AP5M1: variants seen among roughly 807,000 people sequenced by gnomAD.
AP5M1 encodes the protein AP-5 complex subunit mu-1.
AP5M1 carries 44 observed loss-of-function variants against 52.3 expected under a neutral mutation model. The ratio of observed to expected loss-of-function variants is 0.84; its 90% CI spans 0.66 to 1.08. The LOEUF is 1.08. AP5M1 is among the 50% of genes least tolerant of loss of function. The pLI is 0.00. For missense variants in AP5M1, 526 were observed against 568.4 expected (o/e 0.93, Z 0.76); for synonymous variants, 213 against 199.0 (o/e 1.07, Z -0.59).
In AP5M1 at chr14:57,296,035, G is replaced by T. The variant is rs1300398896; in HGVS notation, c.*7151G>T. 21 of 151,860 alleles carry T rather than the reference G, an allele frequency of 1.4e-4. No individual in the cohort carries two copies. The highest frequency in any genetic ancestry group is 1.4e-3 in the Admixed American group (21 of 15,216). The allele number at this position is 151,860 out of a possible 1,614,324, so 9.4% of individuals were successfully genotyped here. Reference sequence around the variant, plus strand: ...AGATGTACCAATTTGACCTTTAAAAGTTCAATCTTTATTATATGCATTGAT... The same window carrying T: ...AGATGTACCAATTTGACCTTTAAAATTTCAATCTTTATTATATGCATTGAT... On this transcript the variant is annotated 3_prime_UTR_variant, in exon 8 of 8. Coordinates refer to ENST00000261558, the MANE Select transcript of AP5M1 (RefSeq NM_018229.4).
In AP5M1 at chr14:57,291,619, A is replaced by G. The variant is rs531901607; in HGVS notation, c.*2735A>G. ...ATTCTGATGACAATTATTTGTTTAA[A>G]AAATTTTTTTTATTAAACATTAGTC... On this transcript the variant is annotated 3_prime_UTR_variant, in exon 8 of 8. Coordinates refer to ENST00000261558, the MANE Select transcript of AP5M1 (RefSeq NM_018229.4). The G allele has an allele frequency of 2.0e-5, 3 of 151,842 alleles. No individual in the cohort carries two copies. In the South Asian group the frequency reaches 6.2e-4, roughly 31 times the overall value. The allele number at this position is 151,842 out of a possible 1,614,324, so 9.4% of individuals were successfully genotyped here. A position where few individuals can be genotyped will look rare whatever the true frequency, so the allele number is the denominator to read the frequency against.
Position 57,294,462 on chromosome 14 carries a change from A to G in AP5M1, c.*5578A>G, listed in dbSNP as rs1012489502. ...GGTTATAAAGAGATAATTAGTGACT[A>G]TATCTATTTTAAAACCCTGTGATTT... On this transcript the variant is annotated 3_prime_UTR_variant, in exon 8 of 8. Coordinates refer to ENST00000261558, the MANE Select transcript of AP5M1 (RefSeq NM_018229.4). 1.3e-5 allele frequency: 2 copies of G among 151,880 alleles called. No individual in the cohort carries two copies. The highest frequency in any genetic ancestry group is 2.9e-5 in the Non-Finnish European group (2 of 67,840). The allele number at this position is 151,880 out of a possible 1,614,324, so 9.4% of individuals were successfully genotyped here. A position where few individuals can be genotyped will look rare whatever the true frequency, so the allele number is the denominator to read the frequency against.
Position 57,293,042 on chromosome 14 carries a change from C to G in AP5M1, c.*4158C>G, listed in dbSNP as rs1885473426. The G allele has an allele frequency of 6.6e-6, 1 of 151,146 alleles. No individual in the cohort carries two copies. Among genetic ancestry groups the G allele is most frequent in the African/African-American group, 2.4e-5 (1 of 41,280 alleles). 9.4% of individuals were successfully genotyped at this position (151,146 alleles called of 1,614,324 possible). A position where few individuals can be genotyped will look rare whatever the true frequency, so the allele number is the denominator to read the frequency against. On this transcript the variant is annotated 3_prime_UTR_variant, in exon 8 of 8. Transcript: ENST00000261558. ...TTCTGCCTGCCTTTTTCTCAGTTATCTGAGTACCTCTTCTTCCATAATTTT... is the reference window on the plus strand; with the variant it reads ...TTCTGCCTGCCTTTTTCTCAGTTATGTGAGTACCTCTTCTTCCATAATTTT...
intron 1 of AP5M1, among the ~76,000 whole-genome samples, chr14:57,270,542 G>C (rs904947771): frequency 6.6e-6 from 1 of 152,140 alleles, no homozygotes; most frequent in Admixed American, 6.5e-5. Flanking sequence ...GTTCCTGAGG[G>C]CATCAGAGTT....
chr14:57,284,467 T>C (rs1885260460), intron 6 of AP5M1, among the ~76,000 whole-genome samples: 1 of 152,070 alleles, frequency 6.6e-6, no homozygotes, highest in Non-Finnish European at 1.5e-5. Flanking sequence ...GTAAAAAAAT[T>C]AGAGACAAGC....
In AP5M1 at chr14:57,291,973, G is replaced by C. The variant is rs1175537063; in HGVS notation, c.*3089G>C. On this transcript the variant is annotated 3_prime_UTR_variant, in exon 8 of 8. Coordinates refer to ENST00000261558, the MANE Select transcript of AP5M1 (RefSeq NM_018229.4). ...TAATAAACAGTCCTCAGGTTTAAGGGACTTTTTTAGGATTACATCTTAAAT... is the reference window on the plus strand; with the variant it reads ...TAATAAACAGTCCTCAGGTTTAAGGCACTTTTTTAGGATTACATCTTAAAT... The C allele has an allele frequency of 6.6e-6, 1 of 151,758 alleles. No individual in the cohort carries two copies. Among genetic ancestry groups the C allele is most frequent in the Non-Finnish European group, 1.5e-5 (1 of 67,826 alleles). 9.4% of individuals were successfully genotyped at this position (151,758 alleles called of 1,614,324 possible). A position where few individuals can be genotyped will look rare whatever the true frequency, so the allele number is the denominator to read the frequency against.
At chr14:57,272,951 G>C (rs1401405278) in intron 1 of AP5M1, among the ~76,000 whole-genome samples, 2 of 151,946 alleles carry the variant, frequency 1.3e-5, no homozygotes, top group Non-Finnish European at 1.5e-5. Flanking sequence ...TTTTGAGATG[G>C]AGTCTCACTC....
rs1458698406 is a variant in AP5M1 at position 57,289,471 on chromosome 14, T to C, written c.*587T>C. The stretch of plus-strand genomic sequence containing the variant: ...GTGTTTAAATAGTAAGCTGTTCTTC[T>C]TAATCAGAACTATCCTATTGACTAA... On this transcript the variant is annotated 3_prime_UTR_variant, in exon 8 of 8. Transcript: ENST00000261558. The C allele has an allele frequency of 1.3e-5, 2 of 152,014 alleles. No individual in the cohort carries two copies. Among genetic ancestry groups the C allele is most frequent in the East Asian group, 3.9e-4 (2 of 5,184 alleles). The allele number at this position is 152,014 out of a possible 1,614,324, so 9.4% of individuals were successfully genotyped here.
chr14:57,276,639 T>A (rs1885046679), intron 2 of AP5M1, among the ~76,000 whole-genome samples: 1 of 144,904 alleles, frequency 6.9e-6, no homozygotes. Context: ...TCTGTAGCAA[T>A]AAACAGGGAA....
At chr14:57,286,009 A>C (rs1885298421) in intron 6 of AP5M1, among the ~76,000 whole-genome samples, 2 of 152,108 alleles carry the variant, frequency 1.3e-5, no homozygotes, top group Non-Finnish European at 2.9e-5. Flanking sequence ...ACAGCCTTAC[A>C]AAAAAATGGC....
In AP5M1 at chr14:57,274,695, A is replaced by T; in HGVS notation, c.526A>T (p.Asn176Tyr). Residue 176 changes from asparagine to tyrosine, a missense_variant, in exon 2 of 8, where the codon AAC becomes TAC. Asn to Tyr is a moderately radical substitution (Grantham distance 143). Transcript: ENST00000261558. ...ACPFGTLLDA[N>Y]LQNSLDNTNF... ...TCCATTTGGTACTTTATTAGATGCCAACTTACAGAATTCATTAGATAATAC... is the reference window on the plus strand; with the variant it reads ...TCCATTTGGTACTTTATTAGATGCCTACTTACAGAATTCATTAGATAATAC... The T allele has an allele frequency of 6.2e-7, 1 of 1,614,206 alleles. No individual in the cohort carries two copies. The highest frequency in any genetic ancestry group is 8.5e-7 in the Non-Finnish European group (1 of 1,180,038).
In AP5M1 at chr14:57,278,907, A is replaced by T. The variant is rs150045111; in HGVS notation, c.721-1288A>T. On this transcript the variant is annotated intron_variant, in intron 2 of 7. Transcript: ENST00000261558. ...AGACCCTTCCCAGAAGAAGACATACATGCAGCCAAAAAACATGATAAAAAG... is the reference window on the plus strand; with the variant it reads ...AGACCCTTCCCAGAAGAAGACATACTTGCAGCCAAAAAACATGATAAAAAG... Among the ~76,000 whole-genome samples the T allele has an allele frequency of 1.3e-4, 20 of 152,364 alleles. No homozygotes were observed. The East Asian group carries it at 3.3e-3, about 25-fold the overall frequency.
At chr14:57,272,721 A>T (rs762022106) in intron 1 of AP5M1, among the ~76,000 whole-genome samples, 2 of 152,148 alleles carry the variant, frequency 1.3e-5, no homozygotes, top group African/African-American at 4.8e-5. Flanking sequence ...TAGTCCAGAG[A>T]TCTCTACTAT....
At chr14:57,271,344 A>G (rs1884891490) in intron 1 of AP5M1, 2 of 152,216 alleles carry the variant, frequency 1.3e-5, no homozygotes, top group African/African-American at 2.4e-5. Context: ...TCAGCCACCT[A>G]CGCACTCACT....
At chr14:57,269,433 G>T (rs760085817) in intron 1 of AP5M1, 45 bp downstream of exon 1, 1 of 1,595,918 alleles carries the variant, frequency 6.3e-7, no homozygotes, top group Admixed American at 1.7e-5. Flanking sequence ...TCAGAAGATC[G>T]ATGAAGTAGC....
chr14:57,288,840 T>A lies in AP5M1; in HGVS notation c.1429T>A (p.Ser477Thr), dbSNP rs1281558541. The A allele has an allele frequency of 1.3e-6, 2 of 1,589,820 alleles. No homozygotes were observed. The highest frequency in any genetic ancestry group is 8.6e-7 in the Non-Finnish European group (1 of 1,160,478). Residue 477 changes from serine to threonine, a missense_variant, in exon 8 of 8, where the codon TCT becomes ACT. This residue lies in a region of AP5M1 where 97 missense variants were observed against 121.3 expected (regional missense o/e 0.80). Coordinates refer to ENST00000261558, the MANE Select transcript of AP5M1 (RefSeq NM_018229.4). ...LISSDYYIWN[S>T]KAPAPVTYGS... ...TTCTTCTGATTATTACATCTGGAAT[T>A]CTAAAGCCCCTGCTCCAGTAACATA...
intron 2 of AP5M1, among the ~76,000 whole-genome samples, 200 bp from the exon 3 acceptor site, chr14:57,279,995 G>A (rs1383307252): frequency 2.0e-5 from 3 of 152,286 alleles, no homozygotes; most frequent in East Asian, 3.9e-4. Context: ...AAGCAATGGA[G>A]TCTATGAGGG....
At chr14:57,281,358 TAGAAA>T (rs1885170077) in intron 3 of AP5M1, among the ~76,000 whole-genome samples, 1 of 152,210 alleles carries the variant, frequency 6.6e-6, no homozygotes, top group Non-Finnish European at 1.5e-5. Flanking sequence ...ATGAGTAGGT[TAGAAA>T]AACCTACTCA....
chr14:57,286,796 G>A (rs986221233), intron 7 of AP5M1, among the ~76,000 whole-genome samples: 1 of 151,626 alleles, frequency 6.6e-6, no homozygotes, highest in Non-Finnish European at 1.5e-5. Context: ...GATGCTTAGT[G>A]TATAGTATAG....
Sources: gnomAD v4.1 joint callset for allele counts (sites outside exome capture counted in the v4.1 genomes callset) on GRCh38, gnomAD v4.1.1 for gene constraint, gnomAD v4.1.1 regional missense constraint, MANE v1.5 for transcripts, NCBI Gene and HGNC (gene_info 2026-07-23, HGNC 2026-07-21) for gene names.